Variants in CFAP54 observed in about 807,000 individuals in gnomAD.
The protein encoded by CFAP54 is cilia- and flagella-associated protein 54.
A neutral mutation model predicts 370.4 loss-of-function variants in CFAP54; 290 were observed. That is an observed-to-expected ratio of 0.78 (90% CI 0.71 to 0.86). The LOEUF (loss-of-function observed/expected upper bound fraction) is 0.86, where lower values mean the gene tolerates loss of function less well. Ranked by LOEUF, CFAP54 falls within the 40% of genes least tolerant of loss-of-function variation. CFAP54 has a pLI of 0.00. For missense variants in CFAP54, 3,399 were observed against 3,528.7 expected (o/e 0.96, Z 0.93); for synonymous variants, 1,206 against 1,236.5 (o/e 0.98, Z 0.52).
chr12:96,593,777 T>C (rs994999097), intron 24 of CFAP54, among the ~76,000 whole-genome samples: 4 of 152,046 alleles, frequency 2.6e-5, no homozygotes, highest in African/African-American at 4.8e-5. Context: ...AAGTGGCATT[T>C]ACTCTCAAAA....
At chr12:96,779,530 T>C (rs1354520621) in intron 60 of CFAP54, among the ~76,000 whole-genome samples, 3 of 150,990 alleles carry the variant, frequency 2.0e-5, no homozygotes, top group African/African-American at 7.4e-5. Context: ...GAATTGCTGG[T>C]CATAAGACAT....
intron 67 of CFAP54, among the ~76,000 whole-genome samples, chr12:96,874,268 A>G (rs1280980157): frequency 6.6e-6 from 1 of 152,194 alleles, no homozygotes. Context: ...ACAGGATGGT[A>G]TTTCAATGTT....
intron 65 of CFAP54, among the ~76,000 whole-genome samples, chr12:96,824,423 G>C (rs77450594): frequency 0.042 from 6,430 of 152,304 alleles, 242 homozygotes; most frequent in South Asian, 0.2. Flanking sequence ...TAGTGACATA[G>C]ACAGTGTCAT....
chr12:96,793,655 A>G (rs1440936494), intron 63 of CFAP54, among the ~76,000 whole-genome samples: 1 of 152,134 alleles, frequency 6.6e-6, no homozygotes, highest in African/African-American at 2.4e-5. Flanking sequence ...TGGTTGTACT[A>G]GTTTACATTT....
chr12:96,796,193 A>G (rs1409986546), intron 63 of CFAP54, among the ~76,000 whole-genome samples: 1 of 152,174 alleles, frequency 6.6e-6, no homozygotes, highest in African/African-American at 2.4e-5. Flanking sequence ...GGATTCTCTC[A>G]GCTTTCCTGG....
At chr12:96,661,581 A>G (rs1421045601) in intron 38 of CFAP54, among the ~76,000 whole-genome samples, 1 of 152,220 alleles carries the variant, frequency 6.6e-6, no homozygotes, top group Admixed American at 6.5e-5. Context: ...CAGTTGTAGA[A>G]GCAGCTGCTG....
intron 66 of CFAP54, among the ~76,000 whole-genome samples, chr12:96,853,332 T>C (rs1959604143): frequency 6.6e-6 from 1 of 152,160 alleles, no homozygotes; most frequent in Non-Finnish European, 1.5e-5. Context: ...AAGATTCTAT[T>C]CATATGCAGT....
At chr12:96,513,623 C>A (rs1955197916) in intron 5 of CFAP54, among the ~76,000 whole-genome samples, 2 of 152,142 alleles carry the variant, frequency 1.3e-5, no homozygotes, top group African/African-American at 4.8e-5. Flanking sequence ...TGCCTGTAGT[C>A]CCAGCTACTT....
At chr12:96,763,315 C>A (rs1293681970) in intron 58 of CFAP54, among the ~76,000 whole-genome samples, 1 of 152,006 alleles carries the variant, frequency 6.6e-6, no homozygotes, top group African/African-American at 2.4e-5. Flanking sequence ...GTTTGTTTTG[C>A]TATTCTATGG....
At position 96,718,532 on chromosome 12, in the gene CFAP54, A is replaced by C. The variant is rs368653119; in HGVS notation, c.6804+10A>C. 6 of 1,523,138 alleles carry C rather than the reference A, an allele frequency of 3.9e-6. No homozygotes were observed. The African/African-American group carries it at 4.1e-5, about 10-fold the overall frequency. 94.4% of individuals were successfully genotyped at this position (1,523,138 alleles called of 1,614,324 possible). A position where few individuals can be genotyped will look rare whatever the true frequency, so the allele number is the denominator to read the frequency against. ...TCTTAGCATGCTAAAGGTAAGTTTG[A>C]AACTGTTTTCAAACCATTAAGTTAG... On this transcript the variant is annotated intron_variant, in intron 49 of 67. Transcript: ENST00000524981.
rs180844869 is a variant in CFAP54 at position 96,494,529 on chromosome 12, G to A, written c.317+4603G>A. Reference sequence around the variant, plus strand: ...TTGGCCAGGCTGGTCTCAAACTCCTGATCTCAAGTGATCCACCCGCCTCAG... The same window carrying A: ...TTGGCCAGGCTGGTCTCAAACTCCTAATCTCAAGTGATCCACCCGCCTCAG... On this transcript the variant is annotated intron_variant, in intron 1 of 67. Transcript: ENST00000524981. Among the ~76,000 whole-genome samples the A allele has an allele frequency of 1.8e-3, 270 of 151,946 alleles. 1 individual carries two copies. Among genetic ancestry groups the A allele is most frequent in the African/African-American group, 6.3e-3 (260 of 41,444 alleles).
chr12:96,618,543 A>C (rs1037411286), intron 26 of CFAP54, among the ~76,000 whole-genome samples: 3 of 152,298 alleles, frequency 2.0e-5, no homozygotes, highest in Non-Finnish European at 2.9e-5. Context: ...CTCTGTGGAC[A>C]GGAAGCAAGG....
intron 8 of CFAP54, among the ~76,000 whole-genome samples, chr12:96,523,992 T>C (rs1404948215): frequency 6.6e-6 from 1 of 152,114 alleles, no homozygotes; most frequent in Non-Finnish European, 1.5e-5. Context: ...CACATCCTTT[T>C]TATAACGTCA....
Position 96,519,026 on chromosome 12 carries a change from T to TAAA in CFAP54, c.897_898insAAA (p.Ala299_Val300insLys). 6.5e-7 allele frequency: 1 copy of TAAA among 1,535,912 alleles called. No homozygotes were observed. The highest frequency in any genetic ancestry group is 1.4e-5 in the African/African-American group (1 of 73,150). Reference sequence around the variant, plus strand: ...CATGGCGCGCTACTCTCTACACAGCTGTTTGCCAGTGCTGCTATGACTGCC... The same window carrying TAAA: ...CATGGCGCGCTACTCTCTACACAGCTAAAGTTTGCCAGTGCTGCTATGACTGCC... On this transcript the variant is annotated inframe_insertion, in exon 6 of 68. Coordinates refer to ENST00000524981, the MANE Select transcript of CFAP54 (RefSeq NM_001306084.2).
At chr12:96,692,572 T>C (rs1957399439) in intron 44 of CFAP54, among the ~76,000 whole-genome samples, 1 of 152,152 alleles carries the variant, frequency 6.6e-6, no homozygotes, top group South Asian at 2.1e-4. Flanking sequence ...GAAAAAGGTA[T>C]CGTGTTATGT....
chr12:96,499,094 G>C (rs1286728727), intron 1 of CFAP54, among the ~76,000 whole-genome samples: 1 of 151,978 alleles, frequency 6.6e-6, no homozygotes, highest in Non-Finnish European at 1.5e-5. Flanking sequence ...TTCTCCTCCT[G>C]AGTAGCAGGG....
chr12:96,695,814 T>C (rs1378338954), intron 45 of CFAP54, among the ~76,000 whole-genome samples: 2 of 152,214 alleles, frequency 1.3e-5, no homozygotes, highest in African/African-American at 4.8e-5. Flanking sequence ...GATGTAACTC[T>C]AAAACAACAT....
intron 19 of CFAP54, among the ~76,000 whole-genome samples, chr12:96,567,668 C>T (rs1203909811): frequency 6.6e-6 from 1 of 152,090 alleles, no homozygotes; most frequent in Non-Finnish European, 1.5e-5. Flanking sequence ...GGTCTTACTA[C>T]TAATCTTGGG....
intron 32 of CFAP54, among the ~76,000 whole-genome samples, chr12:96,640,003 C>T (rs1244849856): frequency 1.3e-5 from 2 of 152,186 alleles, no homozygotes; most frequent in African/African-American, 2.4e-5. Flanking sequence ...GAAGCATTCC[C>T]TTTGAAAACT....
Sources: allele counts gnomAD v4.1 joint callset (sites outside exome capture counted in the v4.1 genomes callset), GRCh38; gene constraint gnomAD v4.1.1; transcripts MANE v1.5; gene names NCBI Gene and HGNC (gene_info 2026-07-23, HGNC 2026-07-21).